The following ABRAXAS2 variants were observed in gnomAD, a reference collection of about 807,000 sequenced individuals.
ABRAXAS2 encodes abraxas 2, BRISC complex subunit, also known as BRISC complex subunit Abraxas 2.
In ABRAXAS2, 23 loss-of-function variants were observed where a neutral mutation model predicts 49.0. That is an observed-to-expected ratio of 0.47 (90% CI 0.34 to 0.66). The LOEUF (loss-of-function observed/expected upper bound fraction) is 0.66, where lower values mean the gene tolerates loss of function less well. ABRAXAS2 is among the 30% of genes least tolerant of loss of function. The pLI is 0.01. For synonymous variants in ABRAXAS2, 168 were observed against 180.2 expected, an observed-to-expected ratio of 0.93 and a Z score of 0.54; for missense variants, 443 against 511.9, an observed-to-expected ratio of 0.87 and a Z score of 1.30.
chr10:124,812,912 A>G (rs1398783292), intron 2 of ABRAXAS2, among the ~76,000 whole-genome samples: 2 of 152,188 alleles, frequency 1.3e-5, no homozygotes, highest in Non-Finnish European at 2.9e-5. Context: ...ATAGAATATC[A>G]CATTTTGGGC....
intron 4 of ABRAXAS2, among the ~76,000 whole-genome samples, chr10:124,820,465 T>C (rs1384401305): frequency 6.6e-6 from 1 of 152,168 alleles, no homozygotes; most frequent in East Asian, 1.9e-4. Flanking sequence ...TTATGAATCT[T>C]CATTATACTT....
intron 4 of ABRAXAS2, among the ~76,000 whole-genome samples, chr10:124,821,907 C>T (rs984919296): frequency 2.0e-5 from 3 of 152,244 alleles, no homozygotes; most frequent in Admixed American, 2.0e-4. Context: ...AACACTTGAA[C>T]TCTGTGTGGG....
At chr10:124,806,965 A>C in intron 2 of ABRAXAS2, 44 bp downstream of exon 2, 1 of 1,330,902 alleles carries the variant, frequency 7.5e-7, no homozygotes, top group South Asian at 1.2e-5. Context: ...TTTTTTGTAT[A>C]TTTACTTAAT....
intron 3 of ABRAXAS2, among the ~76,000 whole-genome samples, chr10:124,817,051 T>C (rs532902647): frequency 4.6e-5 from 7 of 152,346 alleles, no homozygotes; most frequent in Non-Finnish European, 7.4e-5. Context: ...TCGTGGCTAG[T>C]ACTGAACCCT....
At position 124,832,269 on chromosome 10, in the gene ABRAXAS2, T is replaced by C. The variant is rs1158300471; in HGVS notation, c.778+806T>C. On this transcript the variant is annotated intron_variant, in intron 8 of 8. Transcript: ENST00000298492. ...TCTAGTTTTGGTAGCCATGGATGAA[T>C]AGACACCATTAGGCTAAGGAACAAA... Among the ~76,000 whole-genome samples, 6 of 152,244 alleles carry C rather than the reference T, an allele frequency of 3.9e-5. No homozygotes were observed. In the South Asian group the frequency reaches 1.2e-3, roughly 32 times the overall value.
rs1262667144 is a variant in ABRAXAS2, at chr10:124,817,342, G to C, written c.200+730G>C. On this transcript the variant is annotated intron_variant, in intron 3 of 8. Coordinates refer to ENST00000298492, the MANE Select transcript of ABRAXAS2 (RefSeq NM_032182.4). ...GAAAGGAGAAAGCATACAACAGAGA[G>C]ACACCTGGAGGGAAAAGAGTGAGGA... 7.2e-5 allele frequency among the ~76,000 whole-genome samples: 11 copies of C among 152,234 alleles called. No individual in the cohort carries two copies. The South Asian group carries it at 1.9e-3, about 26-fold the overall frequency.
At chr10:124,827,413 C>T (rs1322869681) in intron 5 of ABRAXAS2, among the ~76,000 whole-genome samples, 2 of 152,046 alleles carry the variant, frequency 1.3e-5, no homozygotes, top group South Asian at 2.1e-4. Flanking sequence ...CCACCTGCCT[C>T]GGCCTCCCAA....
At chr10:124,828,182 A>G (rs765287773) in intron 5 of ABRAXAS2, among the ~76,000 whole-genome samples, 42 of 152,136 alleles carry the variant, frequency 2.8e-4, no homozygotes, top group Non-Finnish European at 4.7e-4. Context: ...AATTACTTTT[A>G]TTTATTTTAA....
rs553707297 is a variant in ABRAXAS2, at chr10:124,805,314, C to T, written c.73-1517C>T. On this transcript the variant is annotated intron_variant, in intron 1 of 8. Transcript: ENST00000298492. Reference sequence around the variant, plus strand: ...GCGCCACTGCAGTCCGCAGTCCGGCCTGGGCGACAGAGCGAGACTCCGTCT... The same window carrying T: ...GCGCCACTGCAGTCCGCAGTCCGGCTTGGGCGACAGAGCGAGACTCCGTCT... Among the ~76,000 whole-genome samples, 21 of 149,094 alleles carry T rather than the reference C, an allele frequency of 1.4e-4. No individual in the cohort carries two copies. The East Asian group carries it at 2.8e-3, about 20-fold the overall frequency.
intron 4 of ABRAXAS2, 71 bp downstream of exon 4, chr10:124,819,521 G>A: frequency 7.4e-7 from 1 of 1,359,108 alleles, no homozygotes; most frequent in South Asian, 1.2e-5. Flanking sequence ...AACCAGACAG[G>A]AATGTAAAAT....
chr10:124,813,973 G>T (rs1950807227), intron 2 of ABRAXAS2, among the ~76,000 whole-genome samples: 2 of 151,952 alleles, frequency 1.3e-5, no homozygotes, highest in African/African-American at 2.4e-5. Flanking sequence ...AACTTATGAT[G>T]GTATACTTTA....
intron 4 of ABRAXAS2, 63 bp downstream of exon 4, chr10:124,819,513 C>A (rs1950847592): frequency 7.1e-7 from 1 of 1,402,626 alleles, no homozygotes; most frequent in South Asian, 1.2e-5. Context: ...AAAGATAAAA[C>A]CAGACAGGAA....
intron 1 of ABRAXAS2, among the ~76,000 whole-genome samples, chr10:124,806,416 A>C (rs1425537855): frequency 6.6e-6 from 1 of 152,090 alleles, no homozygotes; most frequent in African/African-American, 2.4e-5. Context: ...AAAAGCATTT[A>C]GTTGTCATTG....
rs1352391149 is a variant in ABRAXAS2, at chr10:124,811,760, A to T, written c.164-4816A>T. 3.3e-5 allele frequency among the ~76,000 whole-genome samples: 5 copies of T among 152,016 alleles called. No homozygotes were observed. In the South Asian group the frequency reaches 1.0e-3, roughly 32 times the overall value. ...CTCAAAAAAAAAGAAACATAATAAA[A>T]CATAATTAATTTTGTTTTGTTTTGT... On this transcript the variant is annotated intron_variant, in intron 2 of 8. Transcript: ENST00000298492.
At position 124,835,350 on chromosome 10, in the gene ABRAXAS2, A is replaced by T. The variant is rs1425687071; in HGVS notation, c.*379A>T. The T allele has an allele frequency of 6.4e-6, 1 of 157,390 alleles. No homozygotes were observed. The highest frequency in any genetic ancestry group is 2.4e-5 in the African/African-American group (1 of 41,664). The allele number at this position is 157,390 out of a possible 1,614,324, so 9.7% of individuals were successfully genotyped here. On this transcript the variant is annotated 3_prime_UTR_variant, in exon 9 of 9. Transcript: ENST00000298492. ...TCAAAAACTTACCTCTTGCACTATC[A>T]TGCCTTGAAATTTACTTTTTCAAAG...
At chr10:124,806,699 A>T in intron 1 of ABRAXAS2, 132 bp from the exon 2 acceptor site, 2 of 595,668 alleles carry the variant, frequency 3.4e-6, no homozygotes, top group Non-Finnish European at 6.0e-6. Flanking sequence ...GGTTTATAGA[A>T]TAGTGGTTTA....
At chr10:124,831,256 C>T (rs759798880) in intron 7 of ABRAXAS2, 93 bp from the exon 8 acceptor site, 1 of 770,440 alleles carries the variant, frequency 1.3e-6, no homozygotes, top group Non-Finnish European at 2.3e-6. Context: ...AATAAACCAT[C>T]TGGACTTTTC....
rs1950747320 is a variant in ABRAXAS2, at chr10:124,806,753, A to G, written c.73-78A>G. 3.0e-5 allele frequency: 27 copies of G among 905,976 alleles called. No individual in the cohort carries two copies. The South Asian group carries it at 3.9e-4, about 13-fold the overall frequency. 56.1% of individuals were successfully genotyped at this position (905,976 alleles called of 1,614,324 possible). A position where few individuals can be genotyped will look rare whatever the true frequency, so the allele number is the denominator to read the frequency against. On this transcript the variant is annotated intron_variant, in intron 1 of 8. Transcript: ENST00000298492. Reference sequence around the variant, plus strand: ...ATTATTGTGAAAATTATAAATTTATATGTCCTCAATTCCTCTTAATTTCAG... The same window carrying G: ...ATTATTGTGAAAATTATAAATTTATGTGTCCTCAATTCCTCTTAATTTCAG...
At chr10:124,805,600 A>T (rs1030188138) in intron 1 of ABRAXAS2, among the ~76,000 whole-genome samples, 1 of 152,220 alleles carries the variant, frequency 6.6e-6, no homozygotes, top group Non-Finnish European at 1.5e-5. Context: ...TGGAGTTTAC[A>T]TTCTGGCAAG....
Sources: allele counts gnomAD v4.1 joint callset (sites outside exome capture counted in the v4.1 genomes callset), GRCh38; gene constraint gnomAD v4.1.1; transcripts MANE v1.5; gene names NCBI Gene and HGNC (gene_info 2026-07-23, HGNC 2026-07-21).